TOGARAM1: variants seen among roughly 807,000 people sequenced by gnomAD.
TOGARAM1 encodes the protein TOG array regulator of axonemal microtubules protein 1.
A neutral mutation model predicts 166.6 loss-of-function variants in TOGARAM1; 100 were observed. The observed-to-expected ratio is 0.60, with a 90% CI of 0.51 to 0.71. TOGARAM1 has a LOEUF of 0.71. Among genes scored for constraint, TOGARAM1 ranks in the 30% least tolerant of loss-of-function variants. The pLI is 0.00. For missense variants in TOGARAM1, 2,029 were observed against 2,102.7 expected (o/e 0.96, Z 0.69); for synonymous variants, 758 against 763.8 (o/e 0.99, Z 0.13).
At chr14:45,042,724 T>C (rs1156305584) in intron 11 of TOGARAM1, among the ~76,000 whole-genome samples, 1 of 152,184 alleles carries the variant, frequency 6.6e-6, no homozygotes, top group African/African-American at 2.4e-5. Flanking sequence ...CAATATGCCT[T>C]AATTAAAAAA....
intron 2 of TOGARAM1, chr14:44,997,407 A>T (rs1472643090): frequency 8.5e-6 from 1 of 117,920 alleles, no homozygotes; most frequent in African/African-American, 4.3e-5. Flanking sequence ...TCCATCTCAA[A>T]AAAAAAAAAA....
At position 44,995,895 on chromosome 14, in the gene TOGARAM1, T is replaced by G; in HGVS notation, c.2196T>G (p.Cys732Trp). 6.2e-7 allele frequency: 1 copy of G among 1,605,014 alleles called. No homozygotes were observed. Among genetic ancestry groups the G allele is most frequent in the Non-Finnish European group, 8.5e-7 (1 of 1,177,060 alleles). ...TTAACCCAGATTGTCTTCCTTTATGTGCTGCTGGTAAGTACAAGTTGCTGA... is the reference window on the plus strand; with the variant it reads ...TTAACCCAGATTGTCTTCCTTTATGGGCTGCTGGTAAGTACAAGTTGCTGA... ...RDFNPDCLPLCAAGTTGTHQT... is the reference protein window; with the variant it reads ...RDFNPDCLPLWAAGTTGTHQT... The change falls in exon 2 of 20, where the codon TGT (cysteine) becomes TGG (tryptophan). Residue 732 changes from cysteine to tryptophan, a missense_variant. Physicochemically the swap from Cys to Trp is radical, Grantham distance 215 (BLOSUM62 -2). This residue lies in a region of TOGARAM1 where 1,453 missense variants were observed against 1,432.2 expected (regional missense o/e 1.01). Coordinates refer to ENST00000361462, the MANE Select transcript of TOGARAM1 (RefSeq NM_001308120.2).
At position 45,028,540 on chromosome 14, in the gene TOGARAM1, G is replaced by T. The variant is rs186255322; in HGVS notation, c.3658+211G>T. On this transcript the variant is annotated intron_variant, in intron 10 of 19. Coordinates refer to ENST00000361462, the MANE Select transcript of TOGARAM1 (RefSeq NM_001308120.2). ...ATATCTTGATTATCTCAAAGGTCCAGATTATCTCAAGGATCTCTTCTATAC... is the reference window on the plus strand; with the variant it reads ...ATATCTTGATTATCTCAAAGGTCCATATTATCTCAAGGATCTCTTCTATAC... Among the ~76,000 whole-genome samples the T allele has an allele frequency of 3.3e-5, 5 of 152,286 alleles. No homozygotes were observed. The East Asian group carries it at 9.6e-4, about 29-fold the overall frequency.
chr14:45,012,766 A>G (rs1879885487), intron 7 of TOGARAM1, among the ~76,000 whole-genome samples: 1 of 152,210 alleles, frequency 6.6e-6, no homozygotes, highest in Non-Finnish European at 1.5e-5. Flanking sequence ...TTATATTATA[A>G]TCACCTTCCT....
rs1887096344 is a variant in TOGARAM1, at chr14:44,990,987, T to C, written c.2047-4759T>C. On this transcript the variant is annotated intron_variant, in intron 1 of 19. Transcript: ENST00000361462. Reference sequence around the variant, plus strand: ...TTTTTTTTTTTTTTTGGAGACAAGGTCTCACTCTGTCTTCCAAGCTAGAGT... The same window carrying C: ...TTTTTTTTTTTTTTTGGAGACAAGGCCTCACTCTGTCTTCCAAGCTAGAGT... Among the ~76,000 whole-genome samples, 5 of 122,876 alleles carry C rather than the reference T, an allele frequency of 4.1e-5. No individual in the cohort carries two copies. The South Asian group carries it at 1.3e-3, about 33-fold the overall frequency. The allele number at this position is 122,876 out of a possible 152,430, so 80.6% of individuals were successfully genotyped here. A position where few individuals can be genotyped will look rare whatever the true frequency, so the allele number is the denominator to read the frequency against.
chr14:45,015,774 G>A (rs1039138947), intron 7 of TOGARAM1, among the ~76,000 whole-genome samples: 1 of 152,112 alleles, frequency 6.6e-6, no homozygotes, highest in African/African-American at 2.4e-5. Flanking sequence ...TGGCAGTGCT[G>A]TAATTTAAAG....
At chr14:44,974,956 GA>G (rs1287226804) in intron 1 of TOGARAM1, among the ~76,000 whole-genome samples, 6 of 152,156 alleles carry the variant, frequency 3.9e-5, no homozygotes, top group South Asian at 2.1e-4. Flanking sequence ...TAAGGTGAGG[GA>G]GGGGGGAAGT....
chr14:45,039,012 C>T (rs996062434), intron 11 of TOGARAM1, among the ~76,000 whole-genome samples: 2 of 152,106 alleles, frequency 1.3e-5, no homozygotes, highest in Non-Finnish European at 2.9e-5. Context: ...TATCCACAGG[C>T]GGGTCATCCT....
At chr14:44,970,675 C>A (rs1241536714) in intron 1 of TOGARAM1, among the ~76,000 whole-genome samples, 1 of 152,002 alleles carries the variant, frequency 6.6e-6, no homozygotes, top group Non-Finnish European at 1.5e-5. Flanking sequence ...TGTATGCTTT[C>A]TTGTAGTGTT....
intron 7 of TOGARAM1, among the ~76,000 whole-genome samples, chr14:45,022,494 G>A (rs1473734280): frequency 2.6e-5 from 4 of 151,574 alleles, no homozygotes; most frequent in African/African-American, 9.7e-5. Context: ...GCCTGGTCCA[G>A]TAAATAATGA....
intron 7 of TOGARAM1, among the ~76,000 whole-genome samples, chr14:45,017,875 G>A (rs1880248995): frequency 6.6e-6 from 1 of 151,940 alleles, no homozygotes; most frequent in African/African-American, 2.4e-5. Flanking sequence ...GTGAAACTCT[G>A]TCTCAAACAA....
rs141982460 is a variant in TOGARAM1, at chr14:44,962,433, C to G, written c.12C>G (p.Ala4=). Residue 4 remains alanine (A), a synonymous_variant, in exon 1 of 20, where the codon GCC becomes GCG. Coordinates refer to ENST00000361462, the MANE Select transcript of TOGARAM1 (RefSeq NM_001308120.2). MAA[A]PSALLLLPPF... is the part of the protein sequence containing the mutation. ...CCTGACAACCCTGCATGGCGGCTGC[C>G]CCCTCCGCGCTGCTTCTGCTGCCGC... is the stretch of plus-strand genomic sequence containing the variant. The G allele has an allele frequency of 1.1e-5, 17 of 1,562,712 alleles. No individual in the cohort carries two copies. In the Admixed American group the frequency reaches 3.1e-4, roughly 29 times the overall value.
At position 45,045,541 on chromosome 14, in the gene TOGARAM1, G is replaced by GTATA. The variant is rs1404316560; in HGVS notation, c.4154+672_4154+673insATAT. On this transcript the variant is annotated intron_variant, in intron 13 of 19. Transcript: ENST00000361462. ...CAGAGTAGTATTCCATGGTCTGTGT[G>GTATA]TGTATATATATATATATATATATAT... 1.4e-3 allele frequency among the ~76,000 whole-genome samples: 71 copies of GTATA among 50,304 alleles called. 3 individuals carry two copies. Among genetic ancestry groups the GTATA allele is most frequent in the African/African-American group, 2.5e-3 (24 of 9,414 alleles). 33.0% of individuals were successfully genotyped at this position (50,304 alleles called of 152,430 possible). A position where few individuals can be genotyped will look rare whatever the true frequency, so the allele number is the denominator to read the frequency against.
rs748895113 is a variant in TOGARAM1, at chr14:45,043,721, G to T, written c.3848G>T (p.Cys1283Phe). The stretch of plus-strand genomic sequence containing the variant: ...ATTGAGGGACTGAATTTTATTAGAT[G>T]CTTAGCTGCTTTTCATTCTGAGATA... ...KKIEGLNFIR[C>F]LAAFHSEILN... Residue 1283 changes from cysteine to phenylalanine, a missense_variant, in exon 12 of 20, where the codon TGC (cysteine) becomes TTC (phenylalanine). By Grantham distance (205) the Cys-to-Phe change is radical. Around this residue, in one of 2 missense-constraint regions of TOGARAM1, gnomAD observed 576 missense variants for 670.5 expected, o/e 0.86. Coordinates refer to ENST00000361462, the MANE Select transcript of TOGARAM1 (RefSeq NM_001308120.2). 2 of 1,613,108 alleles carry T rather than the reference G, an allele frequency of 1.2e-6. No individual in the cohort carries two copies. Among genetic ancestry groups the T allele is most frequent in the Non-Finnish European group, 1.7e-6 (2 of 1,179,234 alleles).
At chr14:44,999,680 A>G (rs530933912) in intron 3 of TOGARAM1, among the ~76,000 whole-genome samples, 183 bp downstream of exon 3, 16 of 152,334 alleles carry the variant, frequency 1.1e-4, no homozygotes, top group East Asian at 5.8e-4. Context: ...TAATCTTTAT[A>G]TAAATACAAC....
intron 4 of TOGARAM1, among the ~76,000 whole-genome samples, chr14:45,005,484 C>A (rs557917627): frequency 6.6e-6 from 1 of 152,016 alleles, no homozygotes; most frequent in Admixed American, 6.5e-5. Flanking sequence ...GCTGATGGCA[C>A]GTGCCTGTAA....
intron 1 of TOGARAM1, among the ~76,000 whole-genome samples, chr14:44,975,669 G>A (rs541105277): frequency 2.2e-4 from 33 of 151,634 alleles, no homozygotes; most frequent in African/African-American, 7.7e-4. Context: ...GTTTCACCAT[G>A]TTGGCCAGTC....
chr14:44,963,009 G>A lies in TOGARAM1; in HGVS notation c.588G>A (p.Arg196=). Reference sequence around the variant, plus strand: ...TACGGGAAGAGAATCCAGCCCTGCGGAAAGATGCGCTGCAGATCCTTCATA... The same window carrying A: ...TACGGGAAGAGAATCCAGCCCTGCGAAAAGATGCGCTGCAGATCCTTCATA... ...VSLREENPAL[R]KDALQILHIC... The change falls in exon 1 of 20, where the codon CGG becomes CGA. Residue 196 remains arginine, a synonymous_variant. Coordinates refer to ENST00000361462, the MANE Select transcript of TOGARAM1 (RefSeq NM_001308120.2). The A allele has an allele frequency of 6.2e-7, 1 of 1,614,186 alleles. No individual in the cohort carries two copies. Among genetic ancestry groups the A allele is most frequent in the Non-Finnish European group, 8.5e-7 (1 of 1,180,032 alleles).
chr14:44,980,674 C>T (rs1052971780), intron 1 of TOGARAM1, among the ~76,000 whole-genome samples: 3 of 152,216 alleles, frequency 2.0e-5, no homozygotes, highest in East Asian at 1.9e-4. Context: ...GAGTGAGACT[C>T]GGTCCCCACC....
Sources: gnomAD v4.1 joint callset for allele counts (sites outside exome capture counted in the v4.1 genomes callset) on GRCh38, gnomAD v4.1.1 for gene constraint, gnomAD v4.1.1 regional missense constraint, MANE v1.5 for transcripts, NCBI Gene and HGNC (gene_info 2026-07-23, HGNC 2026-07-21) for gene names.